The following LRP1B variants were observed in gnomAD, a reference collection of about 807,000 sequenced individuals.
The protein encoded by LRP1B is LDL receptor related protein 1B.
LRP1B carries 217 observed loss-of-function variants against 556.6 expected under a neutral mutation model. The observed-to-expected ratio is 0.39, with a 90% CI of 0.35 to 0.44. The LOEUF is 0.44. LRP1B is among the 20% of genes least tolerant of loss of function. LRP1B has a pLI of 1.00. For synonymous variants in LRP1B, 2,047 were observed against 1,865.8 expected, an observed-to-expected ratio of 1.10 and a Z score of -2.50; for missense variants, 5,053 against 5,620.8, an observed-to-expected ratio of 0.90 and a Z score of 3.23.
rs1237640306 is a variant in LRP1B at position 140,424,866 on chromosome 2, T to A, written c.10414+17638A>T. ...AGTTCAGTCAAGGATAAAGAGAGCT[T>A]CTCTGACACTTAACTAATCTCCATT... On this transcript the variant is annotated intron_variant, in intron 66 of 90. Transcript: ENST00000389484. Among the ~76,000 whole-genome samples, 4 of 152,228 alleles carry A rather than the reference T, an allele frequency of 2.6e-5. No individual in the cohort carries two copies. The East Asian group carries it at 7.7e-4, about 29-fold the overall frequency.
Position 140,256,449 on chromosome 2 carries a change from C to CTTTTTT in LRP1B, c.13248-9293_13248-9288dup, listed in dbSNP as rs764826231. ...GGTTTTCTTTTCTCTTTTTTCCTTC[C>CTTTTTT]TTTTTTTTTTTTTTTTTTTTTTTTT... On this transcript the variant is annotated intron_variant, in intron 86 of 90. Coordinates refer to ENST00000389484, the MANE Select transcript of LRP1B (RefSeq NM_018557.3). Among the ~76,000 whole-genome samples the CTTTTTT allele has an allele frequency of 3.6e-4, 9 of 25,332 alleles. 3 individuals are homozygous for CTTTTTT. The highest frequency in any genetic ancestry group is 1.0e-3 in the African/African-American group (8 of 7,734). 16.6% of individuals were successfully genotyped at this position (25,332 alleles called of 152,430 possible).
At chr2:141,192,636 T>C (rs993003356) in intron 6 of LRP1B, among the ~76,000 whole-genome samples, 1 of 151,884 alleles carries the variant, frequency 6.6e-6, no homozygotes, top group Non-Finnish European at 1.5e-5. Flanking sequence ...TTGCTCTCAT[T>C]GTTCCTTTGA....
At chr2:140,790,265 G>T (rs1331613509) in intron 32 of LRP1B, among the ~76,000 whole-genome samples, 2 of 151,978 alleles carry the variant, frequency 1.3e-5, no homozygotes, top group African/African-American at 4.8e-5. Context: ...ATTCTGGTCT[G>T]GAAAAAATTG....
At chr2:141,733,741 G>T (rs1353375877) in intron 2 of LRP1B, among the ~76,000 whole-genome samples, 1 of 152,096 alleles carries the variant, frequency 6.6e-6, no homozygotes, top group East Asian at 1.9e-4. Flanking sequence ...TGAGAGTACG[G>T]TTCCTACTGC....
intron 35 of LRP1B, among the ~76,000 whole-genome samples, chr2:140,746,023 A>C (rs1247757786): frequency 7.3e-6 from 1 of 137,708 alleles, no homozygotes; most frequent in Non-Finnish European, 1.6e-5. Context: ...AGCCTGGGTT[A>C]CAAATCCTTA....
At chr2:140,250,090 C>T (rs1356950609) in intron 86 of LRP1B, among the ~76,000 whole-genome samples, 1 of 151,808 alleles carries the variant, frequency 6.6e-6, no homozygotes, top group Non-Finnish European at 1.5e-5. Context: ...TGCTATTCAT[C>T]CGGGGACAAT....
In LRP1B at chr2:140,604,176, A is replaced by G. The variant is rs539624631; in HGVS notation, c.6800-2537T>C. Reference sequence around the variant, plus strand: ...CAAGGATGTAGAATAGGCATATGAAATATAATGCAAACCAGTAAAAATCCT... The same window carrying G: ...CAAGGATGTAGAATAGGCATATGAAGTATAATGCAAACCAGTAAAAATCCT... On this transcript the variant is annotated intron_variant, in intron 41 of 90. Transcript: ENST00000389484. Among the ~76,000 whole-genome samples, 313 of 152,152 alleles carry G rather than the reference A, an allele frequency of 2.1e-3. 5 individuals carry two copies. In the Middle Eastern group the frequency reaches 0.031, roughly 15 times the overall value.
chr2:140,837,613 T>TC (rs11402359), intron 31 of LRP1B, among the ~76,000 whole-genome samples: 59,369 of 151,938 alleles, frequency 0.39, 11,881 homozygotes, highest in African/African-American at 0.49. Flanking sequence ...GTTAAAAATA[T>TC]ACTTGGTGAG....
At chr2:141,243,069 A>G (rs1367783635) in intron 5 of LRP1B, among the ~76,000 whole-genome samples, 1 of 152,058 alleles carries the variant, frequency 6.6e-6, no homozygotes, top group East Asian at 1.9e-4. Context: ...CTCTCAAAAA[A>G]TATATCAAAA....
intron 9 of LRP1B, 95 bp downstream of exon 9, chr2:141,058,788 A>T: frequency 1.0e-6 from 1 of 984,084 alleles, no homozygotes; most frequent in Non-Finnish European, 1.4e-6. Flanking sequence ...CAGAGAATTT[A>T]TGACTCACTC....
chr2:141,183,400 T>C (rs540507795), intron 7 of LRP1B, among the ~76,000 whole-genome samples: 56 of 152,188 alleles, frequency 3.7e-4, no homozygotes, highest in Non-Finnish European at 6.5e-4. Context: ...TTAACTTTGA[T>C]TCAATCTTTA....
chr2:141,651,548 C>T lies in LRP1B; in HGVS notation c.205+158731G>A, dbSNP rs147861183. Among the ~76,000 whole-genome samples, 21 of 152,184 alleles carry T rather than the reference C, an allele frequency of 1.4e-4. No homozygotes were observed. The East Asian group carries it at 4.1e-3, about 29-fold the overall frequency. On this transcript the variant is annotated intron_variant, in intron 2 of 90. Transcript: ENST00000389484. ...GTGTTGGTGGTGCATGCCTGTAATA[C>T]CAACTACTCAGGAGGCTGAGGCACA...
chr2:141,615,785 T>C (rs1282827844), intron 2 of LRP1B, among the ~76,000 whole-genome samples: 1 of 152,194 alleles, frequency 6.6e-6, no homozygotes, highest in Admixed American at 6.5e-5. Context: ...AGGCCACATA[T>C]GAAATTGGTT....
At chr2:141,990,842 T>C (rs1389382061) in intron 1 of LRP1B, among the ~76,000 whole-genome samples, 4 of 152,180 alleles carry the variant, frequency 2.6e-5, no homozygotes, top group African/African-American at 9.6e-5. Flanking sequence ...CAAAATTTCT[T>C]TTAATAATAG....
Position 141,065,155 on chromosome 2 carries a change from C to T in LRP1B, c.1014-2882G>A, listed in dbSNP as rs541396344. 1.1e-4 allele frequency among the ~76,000 whole-genome samples: 17 copies of T among 151,926 alleles called. 1 individual carries two copies. In the South Asian group the frequency reaches 3.5e-3, roughly 31 times the overall value. Reference sequence around the variant, plus strand: ...GAATAGTAGAATGGATGCCTATACCCGTCACCTAGATTCACCAGTTGTTTA... The same window carrying T: ...GAATAGTAGAATGGATGCCTATACCTGTCACCTAGATTCACCAGTTGTTTA... On this transcript the variant is annotated intron_variant, in intron 7 of 90. Transcript: ENST00000389484.
chr2:142,006,823 G>A (rs1702818827), intron 1 of LRP1B, among the ~76,000 whole-genome samples: 1 of 151,740 alleles, frequency 6.6e-6, no homozygotes, highest in African/African-American at 2.4e-5. Context: ...TGATGTTTTT[G>A]ATTGAGTTCT....
At chr2:140,820,511 C>A (rs1289114524) in intron 31 of LRP1B, among the ~76,000 whole-genome samples, 1 of 152,120 alleles carries the variant, frequency 6.6e-6, no homozygotes, top group Non-Finnish European at 1.5e-5. Context: ...TTATCCATAT[C>A]CCGAGCCCTT....
At chr2:140,385,745 G>GAAT in intron 67 of LRP1B, 148 bp downstream of exon 67, 1 of 638,108 alleles carries the variant, frequency 1.6e-6, no homozygotes, top group Non-Finnish European at 2.8e-6. Context: ...CAGGTAGTCT[G>GAAT]AATATTCTTG....
chr2:141,746,231 T>A (rs1367444172), intron 2 of LRP1B, among the ~76,000 whole-genome samples: 3 of 152,114 alleles, frequency 2.0e-5, no homozygotes, highest in African/African-American at 7.2e-5. Flanking sequence ...GGGGTTGTAG[T>A]CTTTATGGCC....
Sources: allele counts gnomAD v4.1 joint callset (sites outside exome capture counted in the v4.1 genomes callset), GRCh38; gene constraint gnomAD v4.1.1; transcripts MANE v1.5; gene names NCBI Gene and HGNC (gene_info 2026-07-23, HGNC 2026-07-21).